DPP10: variants seen among roughly 807,000 people sequenced by gnomAD.
The protein encoded by DPP10 is inactive dipeptidyl peptidase 10.
Under a neutral mutation model 120.9 loss-of-function variants are expected in DPP10, and 33 were observed. That is an observed-to-expected ratio of 0.27 (90% CI 0.21 to 0.37). The LOEUF is 0.37. Among genes scored for constraint, DPP10 ranks in the 10% least tolerant of loss-of-function variants. The pLI, the probability that DPP10 is intolerant of heterozygous loss-of-function variation, is 1.00. For synonymous variants in DPP10, 337 were observed against 326.1 expected, an observed-to-expected ratio of 1.03 and a Z score of -0.36; for missense variants, 816 against 942.8, an observed-to-expected ratio of 0.87 and a Z score of 1.76.
chr2:115,581,151 C>G (rs1400522752), intron 5 of DPP10, among the ~76,000 whole-genome samples: 3 of 152,110 alleles, frequency 2.0e-5, no homozygotes, highest in Non-Finnish European at 4.4e-5. Context: ...AGCTTCTATG[C>G]TCTTGGTGGA....
At chr2:115,657,459 A>C (rs1000054578) in intron 5 of DPP10, among the ~76,000 whole-genome samples, 1 of 151,790 alleles carries the variant, frequency 6.6e-6, no homozygotes, top group Non-Finnish European at 1.5e-5. Context: ...TTCTTCTCTT[A>C]AGACATTATT....
At chr2:114,463,215 A>T (rs1679075946) in intron 1 of DPP10, among the ~76,000 whole-genome samples, 1 of 152,164 alleles carries the variant, frequency 6.6e-6, no homozygotes, top group Non-Finnish European at 1.5e-5. Context: ...TTCAATAGCC[A>T]TCCATCTGTG....
intron 1 of DPP10, among the ~76,000 whole-genome samples, chr2:114,584,940 C>A (rs1690830563): frequency 6.6e-6 from 1 of 152,152 alleles, no homozygotes; most frequent in African/African-American, 2.4e-5. Context: ...CATCAGGATC[C>A]AGGTTCAGCA....
chr2:114,715,592 TA>T lies in DPP10; in HGVS notation c.60+272763del, dbSNP rs199764961. Among the ~76,000 whole-genome samples, 1,459 of 150,512 alleles carry T rather than the reference TA, an allele frequency of 9.7e-3. 18 individuals are homozygous for T. Among genetic ancestry groups the T allele is most frequent in the African/African-American group, 0.034 (1,390 of 41,158 alleles). On this transcript the variant is annotated intron_variant, in intron 1 of 25. Coordinates refer to ENST00000410059, the MANE Select transcript of DPP10 (RefSeq NM_020868.6). ...ATCTGCCTACTGAACCTCCCTGAAA[TA>T]AAAAAAAAGTACATGTTGAAAATGA...
chr2:114,473,232 AAAT>A (rs1220140197), intron 1 of DPP10, among the ~76,000 whole-genome samples: 2 of 152,354 alleles, frequency 1.3e-5, no homozygotes, highest in East Asian at 3.9e-4. Flanking sequence ...ATGAAAAAAT[AAAT>A]AATAAGTGCA....
At chr2:114,630,323 G>A (rs1468684720) in intron 1 of DPP10, among the ~76,000 whole-genome samples, 1 of 152,120 alleles carries the variant, frequency 6.6e-6, no homozygotes, top group South Asian at 2.1e-4. Flanking sequence ...AAGACAACTG[G>A]AACTAGAAAT....
chr2:115,280,500 C>T (rs2060115315), intron 1 of DPP10, among the ~76,000 whole-genome samples: 1 of 152,188 alleles, frequency 6.6e-6, no homozygotes, highest in South Asian at 2.1e-4. Context: ...CTGATGACTT[C>T]TCACACATAA....
chr2:114,782,842 C>A (rs1290490604), intron 1 of DPP10, among the ~76,000 whole-genome samples: 1 of 152,028 alleles, frequency 6.6e-6, no homozygotes, highest in African/African-American at 2.4e-5. Flanking sequence ...CCACAGAGTG[C>A]AGTGAAAAGA....
intron 1 of DPP10, among the ~76,000 whole-genome samples, chr2:115,189,153 A>G (rs2054680444): frequency 6.6e-6 from 1 of 152,208 alleles, no homozygotes; most frequent in Admixed American, 6.5e-5. Context: ...CAGATGGAAC[A>G]ATGGCAAGAG....
At chr2:115,426,949 C>A (rs2070530013) in intron 3 of DPP10, among the ~76,000 whole-genome samples, 1 of 152,160 alleles carries the variant, frequency 6.6e-6, no homozygotes, top group Non-Finnish European at 1.5e-5. Flanking sequence ...TTACAAGATA[C>A]AATGAGGTTA....
chr2:115,189,440 G>T (rs780939607), intron 1 of DPP10, among the ~76,000 whole-genome samples: 1 of 152,112 alleles, frequency 6.6e-6, no homozygotes, highest in Non-Finnish European at 1.5e-5. Flanking sequence ...TGGAACTGAC[G>T]GGAAAGTTAT....
Position 115,467,716 on chromosome 2 carries a change from G to T in DPP10, c.272-31794G>T, listed in dbSNP as rs926175200. Among the ~76,000 whole-genome samples the T allele has an allele frequency of 6.6e-4, 100 of 152,292 alleles. 1 individual carries two copies. The highest frequency in any genetic ancestry group is 1.2e-3 in the Non-Finnish European group (83 of 68,036). ...AGTACAAGGCATCTGGAATTAATCT[G>T]AAAAATTATTATTAGAATAATGACA... On this transcript the variant is annotated intron_variant, in intron 3 of 25. Coordinates refer to ENST00000410059, the MANE Select transcript of DPP10 (RefSeq NM_020868.6).
chr2:114,456,937 A>G (rs935309560), intron 1 of DPP10, among the ~76,000 whole-genome samples: 13 of 152,210 alleles, frequency 8.5e-5, no homozygotes, highest in African/African-American at 2.9e-4. Flanking sequence ...TTCTGCTGCC[A>G]ATGCCACAAT....
chr2:115,673,855 A>G (rs1278435557), intron 5 of DPP10, among the ~76,000 whole-genome samples: 1 of 152,174 alleles, frequency 6.6e-6, no homozygotes, highest in East Asian at 1.9e-4. Context: ...ATATATTTAT[A>G]AATTGTATCT....
At chr2:115,221,262 T>G (rs1048935454) in intron 1 of DPP10, among the ~76,000 whole-genome samples, 2 of 152,126 alleles carry the variant, frequency 1.3e-5, no homozygotes, top group Non-Finnish European at 2.9e-5. Flanking sequence ...TAAATCTAGG[T>G]GTACTTTAAA....
chr2:115,829,687 T>G (rs955955637), intron 21 of DPP10, among the ~76,000 whole-genome samples: 1 of 152,090 alleles, frequency 6.6e-6, no homozygotes, highest in Non-Finnish European at 1.5e-5. Flanking sequence ...TAGTAGAATT[T>G]TATAGCTTTC....
intron 3 of DPP10, among the ~76,000 whole-genome samples, chr2:115,450,986 G>A (rs1157834643): frequency 6.6e-6 from 1 of 151,804 alleles, no homozygotes; most frequent in Non-Finnish European, 1.5e-5. Flanking sequence ...TCTTATGGTT[G>A]TCTTACTCAT....
rs574091647 is a variant in DPP10, at chr2:115,574,336, A to G, written c.441+48364A>G. On this transcript the variant is annotated intron_variant, in intron 5 of 25. Coordinates refer to ENST00000410059, the MANE Select transcript of DPP10 (RefSeq NM_020868.6). ...TTTAATTCTGAGTAATTAATGAGACATAAGAGGACTTTTTGTTTTTCTGAT... is the reference window on the plus strand; with the variant it reads ...TTTAATTCTGAGTAATTAATGAGACGTAAGAGGACTTTTTGTTTTTCTGAT... Among the ~76,000 whole-genome samples the G allele has an allele frequency of 3.3e-5, 5 of 152,290 alleles. No homozygotes were observed. In the South Asian group the frequency reaches 1.0e-3, roughly 32 times the overall value.
At chr2:115,373,082 A>C (rs572688110) in intron 3 of DPP10, among the ~76,000 whole-genome samples, 11 of 152,198 alleles carry the variant, frequency 7.2e-5, no homozygotes, top group African/African-American at 2.7e-4. Context: ...AGGGTTGCCT[A>C]ATGAAAGAGA....
Sources: gnomAD v4.1 joint callset for allele counts (sites outside exome capture counted in the v4.1 genomes callset) on GRCh38, gnomAD v4.1.1 for gene constraint, MANE v1.5 for transcripts, NCBI Gene and HGNC (gene_info 2026-07-23, HGNC 2026-07-21) for gene names.